Variants in DST observed in about 807,000 individuals in gnomAD.
The protein encoded by DST is dystonin.
Under a neutral mutation model 875.2 loss-of-function variants are expected in DST, and 253 were observed. That is an observed-to-expected ratio of 0.29 (90% CI 0.26 to 0.32). DST has a LOEUF of 0.32. Among genes scored for constraint, DST ranks in the 10% least tolerant of loss-of-function variants. The pLI, the probability that DST is intolerant of heterozygous loss-of-function variation, is 1.00. For missense variants in DST, 8,287 were observed against 9,111.6 expected (o/e 0.91, Z 3.68); for synonymous variants, 3,124 against 3,197.1 (o/e 0.98, Z 0.77).
At chr6:56,658,878 G>C (rs944005888) in intron 10 of DST, among the ~76,000 whole-genome samples, 4 of 152,180 alleles carry the variant, frequency 2.6e-5, no homozygotes, top group Non-Finnish European at 4.4e-5. Context: ...GCATAGGTCT[G>C]TGGTTGAAGG....
intron 2 of DST, among the ~76,000 whole-genome samples, chr6:56,939,123 C>T (rs1814901313): frequency 6.6e-6 from 1 of 152,210 alleles, no homozygotes; most frequent in Admixed American, 6.5e-5. Context: ...GCCTCCCAGG[C>T]ACAAGAACAG....
At chr6:56,811,108 T>C (rs1287502704) in intron 4 of DST, among the ~76,000 whole-genome samples, 1 of 138,040 alleles carries the variant, frequency 7.2e-6, no homozygotes, top group Non-Finnish European at 1.5e-5. Flanking sequence ...CACTTGAGCC[T>C]GGAAGGTAGA....
At chr6:56,905,531 AT>A (rs1795999082) in intron 2 of DST, among the ~76,000 whole-genome samples, 1 of 152,090 alleles carries the variant, frequency 6.6e-6, no homozygotes, top group Non-Finnish European at 1.5e-5. Context: ...TGACTGAGTT[AT>A]TGCACCTAAC....
At chr6:56,846,097 C>T (rs2099806872) in intron 4 of DST, among the ~76,000 whole-genome samples, 1 of 152,182 alleles carries the variant, frequency 6.6e-6, no homozygotes, top group Non-Finnish European at 1.5e-5. Flanking sequence ...TGGAGAAAAT[C>T]ATAGTACCTA....
chr6:56,484,521 G>T (rs1333030424), intron 88 of DST: 1 of 152,120 alleles, frequency 6.6e-6, no homozygotes. Context: ...TCTGAACTCA[G>T]ATACTAGAGA....
intron 4 of DST, among the ~76,000 whole-genome samples, chr6:56,796,044 C>G (rs1163077093): frequency 6.6e-6 from 1 of 152,162 alleles, no homozygotes; most frequent in Non-Finnish European, 1.5e-5. Flanking sequence ...AAGAGGCAAA[C>G]AGCAACCCCG....
Position 56,616,794 on chromosome 6 carries a change from A to G in DST, c.4930-2310T>C, listed in dbSNP as rs753017821. ...TTTTCCATAGCTTGAAACACTGACA[A>G]TGTCTTAGAAGAATAAGAATATCCC... is the stretch of plus-strand genomic sequence containing the variant. On this transcript the variant is annotated intron_variant, in intron 36 of 103. Transcript: ENST00000680361. 9.3e-6 allele frequency: 15 copies of G among 1,614,170 alleles called. 1 individual carries two copies. In the South Asian group the frequency reaches 1.5e-4, roughly 17 times the overall value.
In DST at chr6:56,618,577, G is replaced by A. The variant is rs773960159; in HGVS notation, c.4930-4093C>T. 10 of 1,614,130 alleles carry A rather than the reference G, an allele frequency of 6.2e-6. No homozygotes were observed. Among genetic ancestry groups the A allele is most frequent in the Non-Finnish European group, 8.5e-6 (10 of 1,180,030 alleles). On this transcript the variant is annotated intron_variant, in intron 36 of 103. Transcript: ENST00000680361. Reference sequence around the variant, plus strand: ...ATTTTTGGTAATGATTTGCTTCCATGTGCTGCCCTTGCTGCATTTGTTCAC... The same window carrying A: ...ATTTTTGGTAATGATTTGCTTCCATATGCTGCCCTTGCTGCATTTGTTCAC...
At chr6:56,951,772 T>C (rs563977298) in intron 2 of DST, among the ~76,000 whole-genome samples, 2 of 152,286 alleles carry the variant, frequency 1.3e-5, no homozygotes, top group African/African-American at 2.4e-5. Context: ...TCAAACCGAA[T>C]CCATTTTGTT....
At chr6:56,768,647 AAATAC>A (rs2099640856) in intron 4 of DST, among the ~76,000 whole-genome samples, 2 of 152,240 alleles carry the variant, frequency 1.3e-5, no homozygotes, top group Admixed American at 1.3e-4. Context: ...ATGAATTTTT[AAATAC>A]AATACCAACA....
chr6:56,564,994 G>A (rs879205944), intron 55 of DST, among the ~76,000 whole-genome samples: 1 of 152,032 alleles, frequency 6.6e-6, no homozygotes, highest in Non-Finnish European at 1.5e-5. Flanking sequence ...TTTTTGCATC[G>A]ATGTTCATCA....
chr6:56,696,452 G>A (rs753261248), intron 9 of DST, among the ~76,000 whole-genome samples: 17 of 152,228 alleles, frequency 1.1e-4, no homozygotes, highest in Non-Finnish European at 2.2e-4. Flanking sequence ...GTGAGCCACC[G>A]TGCACGGCCC....
At chr6:56,621,577 G>C (rs2098691065) in intron 36 of DST, among the ~76,000 whole-genome samples, 1 of 151,960 alleles carries the variant, frequency 6.6e-6, no homozygotes, top group African/African-American at 2.4e-5. Flanking sequence ...TATATACTTA[G>C]GGATTCAGCT....
intron 60 of DST, among the ~76,000 whole-genome samples, chr6:56,554,109 G>A (rs6904825): frequency 8.8e-6 from 1 of 113,384 alleles, no homozygotes. Flanking sequence ...TTTTGAGGCA[G>A]AGTCTCGCTC....
chr6:56,636,354 ATATG>A (rs1049891801), intron 23 of DST, among the ~76,000 whole-genome samples, 199 bp downstream of exon 23: 12 of 151,048 alleles, frequency 7.9e-5, no homozygotes, highest in South Asian at 2.1e-4. Flanking sequence ...ATGTGTATAT[ATATG>A]TGTGTGTATA....
chr6:56,492,817 A>G, intron 84 of DST, 117 bp downstream of exon 84: 9 of 900,542 alleles, frequency 1.0e-5, no homozygotes, highest in Non-Finnish European at 1.4e-5. Flanking sequence ...GGTTGAAGTA[A>G]GCCAAGATCA....
intron 75 of DST, 65 bp from the exon 76 acceptor site, chr6:56,506,854 A>C: frequency 6.7e-7 from 1 of 1,485,960 alleles, no homozygotes; most frequent in Non-Finnish European, 9.0e-7. Flanking sequence ...TAAAAAGTAC[A>C]CAACAATATC....
rs140378149 is a variant in DST at position 56,468,115 on chromosome 6, T to C, written c.22569+867A>G. Among the ~76,000 whole-genome samples, 104 of 152,176 alleles carry C rather than the reference T, an allele frequency of 6.8e-4. 2 individuals carry two copies. Among genetic ancestry groups the C allele is most frequent in the African/African-American group, 2.4e-3 (101 of 41,518 alleles). Reference sequence around the variant, plus strand: ...AATGGAGTGGCAGAGTCATATCTAATGTAATATGGTCAGATACTATAGATA... The same window carrying C: ...AATGGAGTGGCAGAGTCATATCTAACGTAATATGGTCAGATACTATAGATA... On this transcript the variant is annotated intron_variant, in intron 98 of 103. Transcript: ENST00000680361.
chr6:56,774,992 CAAAAAAAAAAA>C (rs71549720), intron 4 of DST, among the ~76,000 whole-genome samples: 2 of 52,324 alleles, frequency 3.8e-5, no homozygotes, highest in Non-Finnish European at 9.3e-5. Flanking sequence ...AACTCCATCT[CAAAAAAAAAAA>C]AAAAAAAAGG....
Sources: allele counts gnomAD v4.1 joint callset (sites outside exome capture counted in the v4.1 genomes callset), GRCh38; gene constraint gnomAD v4.1.1; transcripts MANE v1.5; gene names NCBI Gene and HGNC (gene_info 2026-07-23, HGNC 2026-07-21).